ATP8B4: variants seen among roughly 807,000 people sequenced by gnomAD.
ATP8B4 encodes the protein probable phospholipid-transporting ATPase IM.
ATP8B4 carries 133 observed loss-of-function variants against 145.6 expected under a neutral mutation model. The ratio of observed to expected loss-of-function variants is 0.91; its 90% CI spans 0.79 to 1.05. ATP8B4 has a LOEUF of 1.05. ATP8B4 is among the 50% of genes least tolerant of loss of function. The probability of loss-of-function intolerance (pLI) is 0.00; values close to 1 mark genes in which losing one functional copy is unlikely to be tolerated. For missense variants in ATP8B4, 1,458 were observed against 1,425.2 expected (o/e 1.02, Z -0.37); for synonymous variants, 507 against 492.9 (o/e 1.03, Z -0.38).
Position 49,860,069 on chromosome 15 carries a change from AT to A in ATP8B4, c.*124del. ...GGGCACTGGCAGTTGTCTGCCGCAG[AT>A]TTAAGTTAAGTGAGGCAATCTGCCT... is the stretch of plus-strand genomic sequence containing the variant. On this transcript the variant is annotated 3_prime_UTR_variant, in exon 28 of 28. Coordinates refer to ENST00000284509, the MANE Select transcript of ATP8B4 (RefSeq NM_024837.4). 1.6e-6 allele frequency: 2 copies of A among 1,213,630 alleles called. No individual in the cohort carries two copies. The highest frequency in any genetic ancestry group is 3.0e-5 in the African/African-American group (2 of 65,862). 75.2% of individuals were successfully genotyped at this position (1,213,630 alleles called of 1,614,324 possible). A position where few individuals can be genotyped will look rare whatever the true frequency, so the allele number is the denominator to read the frequency against.
chr15:50,023,388 C>T (rs2049741408), intron 6 of ATP8B4, among the ~76,000 whole-genome samples: 1 of 152,066 alleles, frequency 6.6e-6, no homozygotes, highest in Non-Finnish European at 1.5e-5. Flanking sequence ...ATTATCAGTA[C>T]CAGATTTGAA....
chr15:49,996,795 G>T (rs1383507846), intron 8 of ATP8B4, 36 bp from the exon 9 acceptor site: 1 of 1,545,696 alleles, frequency 6.5e-7, no homozygotes, highest in East Asian at 2.3e-5. Flanking sequence ...ATTTTTATAT[G>T]GAACAGCCCA....
intron 6 of ATP8B4, among the ~76,000 whole-genome samples, chr15:50,029,835 T>C (rs1239465800): frequency 1.3e-5 from 2 of 152,214 alleles, no homozygotes; most frequent in African/African-American, 4.8e-5. Context: ...ATGTTTTGTT[T>C]GTACTCTTCC....
chr15:50,136,851 T>C (rs1360812445), intron 1 of ATP8B4, among the ~76,000 whole-genome samples: 1 of 152,190 alleles, frequency 6.6e-6, no homozygotes, highest in Non-Finnish European at 1.5e-5. Context: ...TTGATAGTAA[T>C]GGTACTACCT....
At chr15:49,989,193 A>G (rs1270680800) in intron 9 of ATP8B4, among the ~76,000 whole-genome samples, 2 of 152,210 alleles carry the variant, frequency 1.3e-5, no homozygotes, top group Non-Finnish European at 2.9e-5. Flanking sequence ...ACTGATTTAA[A>G]CTGGCTCAAG....
intron 14 of ATP8B4, among the ~76,000 whole-genome samples, chr15:49,944,345 C>A (rs902320589): frequency 1.3e-5 from 2 of 152,066 alleles, no homozygotes; most frequent in African/African-American, 4.8e-5. Flanking sequence ...GATTTAAGGA[C>A]ACACATAGTC....
At chr15:50,056,207 ACATTCATT>A (rs763908427) in intron 3 of ATP8B4, among the ~76,000 whole-genome samples, 7 of 151,416 alleles carry the variant, frequency 4.6e-5, no homozygotes, top group East Asian at 1.9e-4. Context: ...ATATCCCCCA[ACATTCATT>A]CATTCATTCA....
intron 10 of ATP8B4, among the ~76,000 whole-genome samples, chr15:49,986,791 C>G (rs988397551): frequency 2.6e-5 from 4 of 152,198 alleles, no homozygotes; most frequent in Non-Finnish European, 5.9e-5. Flanking sequence ...GAGAGGGCCA[C>G]CTCGGGCCTA....
chr15:49,993,109 T>C (rs964161937), intron 9 of ATP8B4, among the ~76,000 whole-genome samples: 1 of 152,110 alleles, frequency 6.6e-6, no homozygotes. Flanking sequence ...TGGTAATATA[T>C]GGAGAGATCA....
chr15:50,026,295 G>A (rs1168750695), intron 6 of ATP8B4, among the ~76,000 whole-genome samples: 2 of 152,186 alleles, frequency 1.3e-5, no homozygotes, highest in African/African-American at 4.8e-5. Flanking sequence ...GAGGAACCTT[G>A]AAATATCTGG....
intron 6 of ATP8B4, among the ~76,000 whole-genome samples, chr15:50,020,001 C>T (rs2049409230): frequency 6.6e-6 from 1 of 151,968 alleles, no homozygotes; most frequent in South Asian, 2.1e-4. Flanking sequence ...CTCTGTTGCC[C>T]AGACTGGAGT....
intron 14 of ATP8B4, among the ~76,000 whole-genome samples, chr15:49,953,735 C>T (rs2043304376): frequency 6.6e-6 from 1 of 152,216 alleles, no homozygotes; most frequent in South Asian, 2.1e-4. Context: ...TCACCCCTCC[C>T]TCGGGGAGTT....
intron 20 of ATP8B4, among the ~76,000 whole-genome samples, chr15:49,903,239 C>G (rs555570651): frequency 1.3e-5 from 2 of 152,224 alleles, no homozygotes; most frequent in African/African-American, 4.8e-5. Flanking sequence ...CTCACAAAAA[C>G]GATTTATTAG....
intron 6 of ATP8B4, among the ~76,000 whole-genome samples, chr15:50,030,517 G>A (rs1419015578): frequency 6.6e-6 from 1 of 152,070 alleles, no homozygotes; most frequent in Non-Finnish European, 1.5e-5. Flanking sequence ...AATGGGGGAA[G>A]GAGACATTAA....
At chr15:50,102,932 G>A (rs991946454) in intron 2 of ATP8B4, among the ~76,000 whole-genome samples, 2 of 152,070 alleles carry the variant, frequency 1.3e-5, no homozygotes, top group South Asian at 2.1e-4. Context: ...TGCAGGGATG[G>A]TTTAACATAC....
At chr15:49,988,875 C>A (rs925970412) in intron 9 of ATP8B4, among the ~76,000 whole-genome samples, 3 of 152,172 alleles carry the variant, frequency 2.0e-5, no homozygotes, top group African/African-American at 7.2e-5. Context: ...CCTGACCAAC[C>A]ATTTCACTAA....
At chr15:49,872,254 TG>T (rs1230585085) in intron 25 of ATP8B4, among the ~76,000 whole-genome samples, 1 of 152,220 alleles carries the variant, frequency 6.6e-6, no homozygotes, top group African/African-American at 2.4e-5. Flanking sequence ...GTTGTCACTG[TG>T]TGATCTTGGG....
chr15:49,880,406 A>G (rs1223313247), intron 23 of ATP8B4: 1 of 152,302 alleles, frequency 6.6e-6, no homozygotes, highest in African/African-American at 2.4e-5. Flanking sequence ...CTATGCTCAG[A>G]GAACAGCAAG....
At chr15:50,031,955 C>T (rs1011191013) in intron 6 of ATP8B4, among the ~76,000 whole-genome samples, 11 of 152,132 alleles carry the variant, frequency 7.2e-5, no homozygotes, top group South Asian at 4.1e-4. Context: ...TAATATAAAA[C>T]GTATTCAAAT....
Sources: gnomAD v4.1 joint callset for allele counts (sites outside exome capture counted in the v4.1 genomes callset) on GRCh38, gnomAD v4.1.1 for gene constraint, MANE v1.5 for transcripts, NCBI Gene and HGNC (gene_info 2026-07-23, HGNC 2026-07-21) for gene names.